The following LRP1B variants were observed in gnomAD, a reference collection of about 807,000 sequenced individuals.
LRP1B encodes LDL receptor related protein 1B.
LRP1B carries 217 observed loss-of-function variants against 556.6 expected under a neutral mutation model. The observed-to-expected ratio is 0.39, with a 90% confidence interval of 0.35 to 0.44. The LOEUF is 0.44. Among genes scored for constraint, LRP1B ranks in the 20% least tolerant of loss-of-function variants. The probability of loss-of-function intolerance (pLI) is 1.00; values close to 1 mark genes in which losing one functional copy is unlikely to be tolerated. For synonymous variants in LRP1B, 2,047 were observed against 1,865.8 expected (o/e 1.10, Z -2.50); for missense variants, 5,053 against 5,620.8 (o/e 0.90, Z 3.23).
chr2:141,080,078 CTT>C (rs1415882903), intron 7 of LRP1B, among the ~76,000 whole-genome samples: 2 of 152,208 alleles, frequency 1.3e-5, no homozygotes, highest in Non-Finnish European at 2.9e-5. Context: ...AGAGCTCACT[CTT>C]TTGGAATCAT....
intron 41 of LRP1B, among the ~76,000 whole-genome samples, chr2:140,637,539 T>C (rs1684113285): frequency 6.6e-6 from 1 of 152,226 alleles, no homozygotes; most frequent in Admixed American, 6.5e-5. Flanking sequence ...CCCCAAAGCA[T>C]TCTGCTTCTG....
chr2:140,968,127 C>G (rs1467350574), intron 18 of LRP1B, among the ~76,000 whole-genome samples: 3 of 151,288 alleles, frequency 2.0e-5, no homozygotes, highest in Admixed American at 6.6e-5. Flanking sequence ...CCTTGTAACT[C>G]TGGTAGAATT....
At position 142,095,322 on chromosome 2, in the gene LRP1B, G is replaced by C. The variant is rs116194487; in HGVS notation, c.82+35326C>G. ...TTAAAAAGTCCCTTAATAAGAACCT[G>C]TGATATGCTATTACTGTAAGTAAAT... On this transcript the variant is annotated intron_variant, in intron 1 of 90. Coordinates refer to ENST00000389484, the MANE Select transcript of LRP1B (RefSeq NM_018557.3). 5.3e-3 allele frequency among the ~76,000 whole-genome samples: 808 copies of C among 151,768 alleles called. 7 individuals are homozygous for C. Among genetic ancestry groups the C allele is most frequent in the African/African-American group, 0.019 (779 of 41,472 alleles).
chr2:141,966,475 G>C (rs1177837319), intron 1 of LRP1B, among the ~76,000 whole-genome samples: 1 of 151,900 alleles, frequency 6.6e-6, no homozygotes, highest in Non-Finnish European at 1.5e-5. Flanking sequence ...AGTTCCACTT[G>C]CTGAGGTCAA....
rs778965587 is a variant in LRP1B, at chr2:140,487,639, C to A, written c.9221G>T (p.Cys3074Phe). ...RPNGSRINRM[C>F]LNGSDIKVVH... The stretch of plus-strand genomic sequence containing the variant: ...TACCTTAATGTCACTTCCATTTAAA[C>A]ACATTCTATTTATGCGACTGCCATT... Residue 3074 changes from cysteine (C) to phenylalanine (F), a missense_variant, in exon 58 of 91, where the codon TGT (cysteine) becomes TTT (phenylalanine). By Grantham distance (205) the Cys-to-Phe change is radical. Coordinates refer to ENST00000389484, the MANE Select transcript of LRP1B (RefSeq NM_018557.3). The A allele has an allele frequency of 6.2e-7, 1 of 1,608,516 alleles. No homozygotes were observed. The highest frequency in any genetic ancestry group is 8.5e-7 in the Non-Finnish European group (1 of 1,176,738).
At chr2:141,664,682 A>T (rs543577987) in intron 2 of LRP1B, among the ~76,000 whole-genome samples, 167 of 152,118 alleles carry the variant, frequency 1.1e-3, no homozygotes, top group African/African-American at 3.9e-3. Context: ...AGAACCACAA[A>T]CCAGTGCTCA....
At chr2:140,538,268 T>C (rs889192936) in intron 45 of LRP1B, among the ~76,000 whole-genome samples, 1 of 152,136 alleles carries the variant, frequency 6.6e-6, no homozygotes. Flanking sequence ...TGCAGGTTTG[T>C]TACATGGGTT....
intron 2 of LRP1B, among the ~76,000 whole-genome samples, chr2:141,765,906 A>G (rs1205305267): frequency 6.6e-6 from 1 of 152,156 alleles, no homozygotes; most frequent in East Asian, 1.9e-4. Context: ...AGGGTCCAGC[A>G]CTTTCCAGAT....
At chr2:141,084,703 G>C (rs1700007024) in intron 7 of LRP1B, among the ~76,000 whole-genome samples, 1 of 149,568 alleles carries the variant, frequency 6.7e-6, no homozygotes, top group Admixed American at 6.7e-5. Flanking sequence ...AGACTGGAGT[G>C]CAGTGGTGCG....
At chr2:141,852,700 C>T (rs1697906111) in intron 1 of LRP1B, among the ~76,000 whole-genome samples, 1 of 151,542 alleles carries the variant, frequency 6.6e-6, no homozygotes, top group South Asian at 2.1e-4. Context: ...TGGGAAAACA[C>T]AATTTTGTTT....
chr2:140,831,732 C>A (rs906408578), intron 31 of LRP1B, among the ~76,000 whole-genome samples: 34 of 152,036 alleles, frequency 2.2e-4, no homozygotes, highest in African/African-American at 8.0e-4. Context: ...AAGAGAAGAA[C>A]AAATCTACAG....
rs145232141 is a variant in LRP1B at position 140,822,866 on chromosome 2, CA to C, written c.5210-9061del. 4.6e-3 allele frequency among the ~76,000 whole-genome samples: 701 copies of C among 152,312 alleles called. 7 individuals are homozygous for C. Among genetic ancestry groups the C allele is most frequent in the African/African-American group, 0.016 (663 of 41,568 alleles). On this transcript the variant is annotated intron_variant, in intron 31 of 90. Coordinates refer to ENST00000389484, the MANE Select transcript of LRP1B (RefSeq NM_018557.3). ...CTTGGATTTTAAAGCCAGCTTTCAT[CA>C]TAGACTACCTTCTTTCGACAAGACT...
At chr2:140,621,575 T>C (rs1211538802) in intron 41 of LRP1B, among the ~76,000 whole-genome samples, 3 of 152,096 alleles carry the variant, frequency 2.0e-5, no homozygotes, top group Non-Finnish European at 4.4e-5. Context: ...AGTTTATGAT[T>C]TTCAAATGAA....
At chr2:141,367,471 C>CTTTTTT (rs1169568111) in intron 3 of LRP1B, among the ~76,000 whole-genome samples, 4 of 44,942 alleles carry the variant, frequency 8.9e-5, no homozygotes, top group Non-Finnish European at 1.2e-4. Context: ...ATTTGAAATG[C>CTTTTTT]TTTTTTTTTT....
intron 2 of LRP1B, among the ~76,000 whole-genome samples, chr2:141,623,321 T>G (rs1041594222): frequency 5.9e-5 from 9 of 152,206 alleles, no homozygotes; most frequent in Non-Finnish European, 1.3e-4. Context: ...GAATCAGTTG[T>G]AAAGATGGTA....
At position 140,350,818 on chromosome 2, in the gene LRP1B, C is replaced by T. The variant is rs2105115517; in HGVS notation, c.11871G>A (p.Arg3957=). The T allele has an allele frequency of 1.9e-6, 3 of 1,610,310 alleles. No homozygotes were observed. Among genetic ancestry groups the T allele is most frequent in the Non-Finnish European group, 2.5e-6 (3 of 1,178,216 alleles). ...FYKRIHGREK[R]QANSGLICPE... is the part of the protein sequence containing the mutation. The stretch of plus-strand genomic sequence containing the variant: ...TTACAATCAAGCCACTGTTTGCTTG[C>T]CTTTTTTCTCTGCCATGGATCCTTT... Residue 3957 remains arginine, a synonymous_variant, in exon 77 of 91, where the codon AGG becomes AGA. Coordinates refer to ENST00000389484, the MANE Select transcript of LRP1B (RefSeq NM_018557.3).
chr2:141,498,272 CCTT>C (rs1402843183), intron 2 of LRP1B, among the ~76,000 whole-genome samples: 1 of 30,818 alleles, frequency 3.2e-5, no homozygotes, highest in Non-Finnish European at 6.7e-5. Flanking sequence ...GAAATGAACT[CCTT>C]CATCTACAAC....
chr2:142,039,942 CTG>C, intron 1 of LRP1B, among the ~76,000 whole-genome samples: 1 of 151,504 alleles, frequency 6.6e-6, no homozygotes, highest in Admixed American at 6.6e-5. Flanking sequence ...AAGAAATACA[CTG>C]TTCAATAAGT....
chr2:141,049,227 A>G lies in LRP1B; in HGVS notation c.1553-5T>C, dbSNP rs375518595. The G allele has an allele frequency of 2.9e-5, 46 of 1,579,124 alleles. No homozygotes were observed. Among genetic ancestry groups the G allele is most frequent in the Non-Finnish European group, 3.6e-5 (41 of 1,148,690 alleles). On this transcript the variant is annotated splice_polypyrimidine_tract_variant and splice_region_variant and intron_variant, in intron 10 of 90. Transcript: ENST00000389484. The stretch of plus-strand genomic sequence containing the variant: ...GGAACAACTCATTCTTTGGTCCTGC[A>G]GAGGAAAGATTACAAACACAAACAA...
Sources: allele counts gnomAD v4.1 joint callset (sites outside exome capture counted in the v4.1 genomes callset), GRCh38; gene constraint gnomAD v4.1.1; transcripts MANE v1.5; gene names NCBI Gene and HGNC (gene_info 2026-07-23, HGNC 2026-07-21).